KCNQ5: variants seen among roughly 807,000 people sequenced by gnomAD.
KCNQ5 encodes the protein potassium voltage-gated channel subfamily Q member 5.
In KCNQ5, 30 loss-of-function variants were observed where a neutral mutation model predicts 98.2. The observed-to-expected ratio is 0.31, with a 90% CI of 0.23 to 0.41. KCNQ5 has a LOEUF of 0.41. KCNQ5 is among the 10% of genes least tolerant of loss of function. KCNQ5 has a pLI of 1.00. For synonymous variants in KCNQ5, 458 were observed against 449.4 expected, an observed-to-expected ratio of 1.02 and a Z score of -0.24; for missense variants, 835 against 1,182.5, an observed-to-expected ratio of 0.71 and a Z score of 4.31.
intron 1 of KCNQ5, among the ~76,000 whole-genome samples, chr6:72,741,007 A>G (rs1158201899): frequency 6.6e-6 from 1 of 152,202 alleles, no homozygotes; most frequent in Non-Finnish European, 1.5e-5. Flanking sequence ...TTTCCTGGTG[A>G]AAAACTTAAA....
chr6:72,820,389 A>G (rs1170107361), intron 1 of KCNQ5, among the ~76,000 whole-genome samples: 1 of 152,174 alleles, frequency 6.6e-6, no homozygotes, highest in Non-Finnish European at 1.5e-5. Flanking sequence ...CACTTACCTT[A>G]ATATGAGGGT....
At chr6:73,043,461 T>G (rs1279143090) in intron 3 of KCNQ5, among the ~76,000 whole-genome samples, 4 of 152,174 alleles carry the variant, frequency 2.6e-5, no homozygotes, top group Non-Finnish European at 5.9e-5. Context: ...GCCTTGCAGG[T>G]TCATAAAGCC....
chr6:72,930,677 G>A (rs1304654421), intron 1 of KCNQ5, among the ~76,000 whole-genome samples: 2 of 151,528 alleles, frequency 1.3e-5, no homozygotes, highest in East Asian at 3.9e-4. Flanking sequence ...GCACTACTGC[G>A]TGATAATGTG....
chr6:73,079,964 T>C (rs1420192776), intron 5 of KCNQ5, among the ~76,000 whole-genome samples: 1 of 152,254 alleles, frequency 6.6e-6, no homozygotes, highest in Non-Finnish European at 1.5e-5. Context: ...TTTGACTTAC[T>C]GAGGCACCCA....
At chr6:73,077,993 GAA>G in intron 5 of KCNQ5, 106 bp downstream of exon 5, 2 of 922,182 alleles carry the variant, frequency 2.2e-6, no homozygotes, top group Non-Finnish European at 3.1e-6. Flanking sequence ...ATTAAATTGC[GAA>G]AGAGAGTTAT....
At chr6:72,838,905 C>A (rs993534766) in intron 1 of KCNQ5, among the ~76,000 whole-genome samples, 3 of 140,368 alleles carry the variant, frequency 2.1e-5, no homozygotes, top group Non-Finnish European at 3.1e-5. Flanking sequence ...AGCCGAGATC[C>A]CGCCACTGCA....
chr6:73,054,184 A>C (rs1772361518), intron 3 of KCNQ5, among the ~76,000 whole-genome samples: 1 of 152,148 alleles, frequency 6.6e-6, no homozygotes, highest in African/African-American at 2.4e-5. Flanking sequence ...AATGAGTTCC[A>C]AAATTGAATC....
chr6:72,835,302 A>G (rs1407962255), intron 1 of KCNQ5, among the ~76,000 whole-genome samples: 1 of 152,084 alleles, frequency 6.6e-6, no homozygotes, highest in Non-Finnish European at 1.5e-5. Flanking sequence ...GAAGAAACCT[A>G]TTTACTCTTG....
intron 1 of KCNQ5, among the ~76,000 whole-genome samples, chr6:72,743,793 G>A (rs1305635915): frequency 6.6e-6 from 1 of 152,158 alleles, no homozygotes; most frequent in Non-Finnish European, 1.5e-5. Flanking sequence ...TTTTGGAGTA[G>A]TATTAACTGA....
intron 9 of KCNQ5, chr6:73,125,541 C>A: frequency 2.0e-6 from 1 of 511,808 alleles, no homozygotes; most frequent in Admixed American, 2.0e-5. Context: ...AAGTGGAGGC[C>A]AGTGTGGGCC....
At chr6:72,870,748 T>C (rs1041599094) in intron 1 of KCNQ5, among the ~76,000 whole-genome samples, 1 of 152,234 alleles carries the variant, frequency 6.6e-6, no homozygotes, top group African/African-American at 2.4e-5. Context: ...AATGCCCCTA[T>C]ACCTAACATG....
chr6:72,678,035 T>C (rs1767505286), intron 1 of KCNQ5, among the ~76,000 whole-genome samples: 1 of 152,208 alleles, frequency 6.6e-6, no homozygotes, highest in African/African-American at 2.4e-5. Flanking sequence ...AAATTGTGGT[T>C]AGAGGCCTGT....
intron 1 of KCNQ5, among the ~76,000 whole-genome samples, chr6:72,823,192 G>T (rs1775833019): frequency 6.6e-6 from 1 of 152,108 alleles, no homozygotes; most frequent in Non-Finnish European, 1.5e-5. Context: ...TTCACATATT[G>T]CATTGAAAAT....
At chr6:72,645,670 C>T (rs1028103898) in intron 1 of KCNQ5, among the ~76,000 whole-genome samples, 2 of 151,990 alleles carry the variant, frequency 1.3e-5, no homozygotes, top group Non-Finnish European at 2.9e-5. Flanking sequence ...ACTGGCTTTG[C>T]GCTGGGCCCA....
At chr6:72,779,862 TGTGTGTGTGTGTGTGTG>T (rs1773369112) in intron 1 of KCNQ5, among the ~76,000 whole-genome samples, 3 of 136,554 alleles carry the variant, frequency 2.2e-5, no homozygotes, top group Admixed American at 7.2e-5. Context: ...TGTGTGTGTG[TGTGTGTGTGTGTGTGTG>T]TGTAAAGATG....
chr6:72,853,983 T>G (rs1340126553), intron 1 of KCNQ5, among the ~76,000 whole-genome samples: 1 of 152,228 alleles, frequency 6.6e-6, no homozygotes, highest in Non-Finnish European at 1.5e-5. Flanking sequence ...AATATGCCAT[T>G]TTTTGTAAAC....
At chr6:72,983,837 G>T (rs1315715350) in intron 1 of KCNQ5, among the ~76,000 whole-genome samples, 1 of 152,140 alleles carries the variant, frequency 6.6e-6, no homozygotes, top group African/African-American at 2.4e-5. Context: ...TTTGATGATG[G>T]TGATCTACAG....
chr6:73,157,967 C>T, intron 10 of KCNQ5: 2 of 764,346 alleles, frequency 2.6e-6, no homozygotes, highest in East Asian at 2.5e-5. Flanking sequence ...TGAGTAGGGA[C>T]TCTTCATACC....
At chr6:72,630,730 G>C (rs2098920362) in intron 1 of KCNQ5, 1 of 152,162 alleles carries the variant, frequency 6.6e-6, no homozygotes, top group Non-Finnish European at 1.5e-5. Flanking sequence ...AGTTAGCATG[G>C]TGGCTCTCGC....
Sources: gnomAD v4.1 joint callset for allele counts (sites outside exome capture counted in the v4.1 genomes callset) on GRCh38, gnomAD v4.1.1 for gene constraint, MANE v1.5 for transcripts, NCBI Gene and HGNC (gene_info 2026-07-23, HGNC 2026-07-21) for gene names.